Variants in CTNNA2 observed in about 807,000 individuals in gnomAD.
The protein encoded by CTNNA2 is catenin alpha-2.
A neutral mutation model predicts 101.0 loss-of-function variants in CTNNA2; 42 were observed. The ratio of observed to expected loss-of-function variants is 0.42; its 90% CI spans 0.32 to 0.54. The LOEUF is 0.54. Ranked by LOEUF, CTNNA2 falls within the 20% of genes least tolerant of loss-of-function variation. CTNNA2 has a pLI of 0.14. For missense variants in CTNNA2, 871 were observed against 1,223.1 expected, an observed-to-expected ratio of 0.71 and a Z score of 4.29; for synonymous variants, 450 against 456.4, an observed-to-expected ratio of 0.99 and a Z score of 0.18.
intron 7 of CTNNA2, among the ~76,000 whole-genome samples, chr2:80,140,157 C>T (rs1702920041): frequency 6.6e-6 from 1 of 152,186 alleles, no homozygotes; most frequent in South Asian, 2.1e-4. Flanking sequence ...TGAATCAAGT[C>T]AGCAAAGAAC....
At chr2:79,456,281 T>G (rs1054495293) in intron 4 of CTNNA2, among the ~76,000 whole-genome samples, 2 of 151,878 alleles carry the variant, frequency 1.3e-5, no homozygotes, top group African/African-American at 4.8e-5. Flanking sequence ...CATTAAAGAC[T>G]CCTACAATGC....
intron 9 of CTNNA2, among the ~76,000 whole-genome samples, chr2:80,437,741 G>A (rs1016259282): frequency 6.6e-6 from 1 of 152,254 alleles, no homozygotes; most frequent in African/African-American, 2.4e-5. Flanking sequence ...GCTTTCGCCT[G>A]TAATCCCGGC....
At chr2:79,666,540 T>C (rs193040412) in intron 2 of CTNNA2, among the ~76,000 whole-genome samples, 103 of 152,340 alleles carry the variant, frequency 6.8e-4, no homozygotes, top group Non-Finnish European at 1.1e-3. Context: ...CTGTTCATTG[T>C]AGTTCGTGTG....
At chr2:79,448,933 A>C (rs981481706) in intron 4 of CTNNA2, among the ~76,000 whole-genome samples, 3 of 152,124 alleles carry the variant, frequency 2.0e-5, no homozygotes, top group African/African-American at 4.8e-5. Flanking sequence ...GGGCCTTGTG[A>C]GAAGTAAGTT....
rs180790183 is a variant in CTNNA2 at position 79,342,805 on chromosome 2, G to A, written c.-318+30009G>A. On this transcript the variant is annotated intron_variant, in intron 3 of 21. Coordinates refer to the CTNNA2 transcript ENST00000466387. ...AATCTGTAGCCATTCTACCTTGGGA[G>A]TATTTACCATGTGCCTAAGGATGAG... Among the ~76,000 whole-genome samples the A allele has an allele frequency of 1.9e-3, 292 of 152,298 alleles. 1 individual carries two copies. The highest frequency in any genetic ancestry group is 3.8e-3 in the Non-Finnish European group (258 of 68,024).
At chr2:79,419,458 A>G (rs1678516752) in intron 4 of CTNNA2, among the ~76,000 whole-genome samples, 1 of 152,184 alleles carries the variant, frequency 6.6e-6, no homozygotes, top group Admixed American at 6.5e-5. Flanking sequence ...TAGTTATTAG[A>G]GAAACTGGAG....
chr2:79,541,452 A>G (rs1673415943), intron 1 of CTNNA2, among the ~76,000 whole-genome samples: 1 of 145,616 alleles, frequency 6.9e-6, no homozygotes. Flanking sequence ...ATATATATAT[A>G]TATATACACT....
At chr2:79,245,083 G>T (rs1211652124) in intron 2 of CTNNA2, among the ~76,000 whole-genome samples, 2 of 149,626 alleles carry the variant, frequency 1.3e-5, no homozygotes, top group African/African-American at 2.5e-5. Context: ...CAACAAGAGT[G>T]AAACTCCATC....
chr2:79,918,080 C>T (rs1686386312), intron 7 of CTNNA2, among the ~76,000 whole-genome samples: 1 of 147,788 alleles, frequency 6.8e-6, no homozygotes, highest in African/African-American at 2.5e-5. Context: ...CTCCCTGTTG[C>T]CTTCATTGCG....
chr2:80,203,434 G>A (rs1403111367), intron 7 of CTNNA2, among the ~76,000 whole-genome samples: 1 of 152,240 alleles, frequency 6.6e-6, no homozygotes, highest in East Asian at 1.9e-4. Flanking sequence ...CCAAATGGGA[G>A]AAATTGGCCA....
chr2:80,592,444 G>T (rs936154211), intron 15 of CTNNA2, among the ~76,000 whole-genome samples: 1 of 152,088 alleles, frequency 6.6e-6, no homozygotes, highest in East Asian at 1.9e-4. Context: ...TTGACCTTTA[G>T]GCTTCTGTCC....
intron 7 of CTNNA2, among the ~76,000 whole-genome samples, chr2:80,277,016 A>C (rs1372063954): frequency 6.6e-6 from 1 of 152,216 alleles, no homozygotes; most frequent in Admixed American, 6.5e-5. Flanking sequence ...AGCTTCTGAC[A>C]AACTGAAGAA....
intron 7 of CTNNA2, among the ~76,000 whole-genome samples, chr2:80,294,658 A>AT (rs1451945872): frequency 2.6e-5 from 4 of 152,028 alleles, no homozygotes; most frequent in South Asian, 4.2e-4. Flanking sequence ...AATAATAATA[A>AT]AAATAATTCT....
At chr2:79,671,749 A>G (rs2104586721) in intron 2 of CTNNA2, among the ~76,000 whole-genome samples, 1 of 152,340 alleles carries the variant, frequency 6.6e-6, no homozygotes, top group South Asian at 2.1e-4. Flanking sequence ...AGGATAAATG[A>G]TATCTGAAGG....
chr2:80,113,015 A>G (rs547016908), intron 7 of CTNNA2, among the ~76,000 whole-genome samples: 6 of 152,240 alleles, frequency 3.9e-5, no homozygotes, highest in South Asian at 2.1e-4. Context: ...GATGCCATCT[A>G]TCAGCCAGTG....
chr2:80,019,835 A>G (rs1187000001), intron 7 of CTNNA2, among the ~76,000 whole-genome samples: 3 of 152,200 alleles, frequency 2.0e-5, no homozygotes, highest in East Asian at 1.9e-4. Context: ...TGATCTAACT[A>G]AGTGATATAT....
chr2:79,672,053 A>G (rs1039414026), intron 2 of CTNNA2, among the ~76,000 whole-genome samples: 3 of 152,018 alleles, frequency 2.0e-5, no homozygotes, highest in Non-Finnish European at 4.4e-5. Context: ...TTTTATTTTT[A>G]TTTTTAGGCT....
At chr2:79,647,527 C>T (rs1008102966) in intron 1 of CTNNA2, among the ~76,000 whole-genome samples, 4 of 151,504 alleles carry the variant, frequency 2.6e-5, no homozygotes, top group East Asian at 1.9e-4. Context: ...TTTCAGTATA[C>T]GTTCCTTATT....
At chr2:80,062,926 C>T (rs559079308) in intron 7 of CTNNA2, among the ~76,000 whole-genome samples, 13 of 152,154 alleles carry the variant, frequency 8.5e-5, no homozygotes, top group South Asian at 2.1e-4. Flanking sequence ...AGGATGGTCT[C>T]GATCTCCTGA....
Sources: gnomAD v4.1 joint callset for allele counts (sites outside exome capture counted in the v4.1 genomes callset) on GRCh38, gnomAD v4.1.1 for gene constraint, MANE v1.5 for transcripts, NCBI Gene and HGNC (gene_info 2026-07-23, HGNC 2026-07-21) for gene names.